ST8SIA4: variants seen among roughly 807,000 people sequenced by gnomAD.
The protein encoded by ST8SIA4 is CMP-N-acetylneuraminate-poly-alpha-2,8-sialyltransferase.
Under a neutral mutation model 33.9 loss-of-function variants are expected in ST8SIA4, and 15 were observed. The observed-to-expected ratio is 0.44, with a 90% confidence interval of 0.30 to 0.68. The LOEUF (loss-of-function observed/expected upper bound fraction) is 0.68, where lower values mean the gene tolerates loss of function less well. Among genes scored for constraint, ST8SIA4 ranks in the 30% least tolerant of loss-of-function variants. The probability of loss-of-function intolerance (pLI) is 0.10; values close to 1 mark genes in which losing one functional copy is unlikely to be tolerated. For synonymous variants in ST8SIA4, 171 were observed against 151.2 expected (o/e 1.13, Z -0.96); for missense variants, 321 against 428.0 (o/e 0.75, Z 2.21).
chr5:100,860,509 G>A (rs1449035816), intron 3 of ST8SIA4, among the ~76,000 whole-genome samples: 1 of 152,194 alleles, frequency 6.6e-6, no homozygotes, highest in Non-Finnish European at 1.5e-5. Flanking sequence ...TCTGTGGAAA[G>A]TTGGCACATG....
chr5:100,830,636 T>C (rs1751238214), intron 4 of ST8SIA4, among the ~76,000 whole-genome samples: 1 of 152,206 alleles, frequency 6.6e-6, no homozygotes, highest in Admixed American at 6.5e-5. Flanking sequence ...TGGATGGTAA[T>C]ATATTGTAAT....
chr5:100,856,258 T>C lies in ST8SIA4; in HGVS notation c.642A>G (p.Arg214=). 1 of 1,614,116 alleles carries C rather than the reference T, an allele frequency of 6.2e-7. No individual in the cohort carries two copies. The highest frequency in any genetic ancestry group is 8.5e-7 in the Non-Finnish European group (1 of 1,179,986). The change falls in exon 4 of 5, where the codon AGA becomes AGG. Residue 214 remains arginine (R), a synonymous_variant. Transcript: ENST00000231461. The part of the protein sequence containing the change: ...NESDREKFVH[R]LSMLNDSVLW... ...GGACACTGTCATTCAGCATGGAAAG[T>C]CTATGCACAAATTTTTCTCTGTCAC... is the stretch of plus-strand genomic sequence containing the variant.
At position 100,824,731 on chromosome 5, in the gene ST8SIA4, T is replaced by A. The variant is rs567858278; in HGVS notation, c.798-12602A>T. Among the ~76,000 whole-genome samples, 5 of 151,982 alleles carry A rather than the reference T, an allele frequency of 3.3e-5. No homozygotes were observed. The South Asian group carries it at 1.0e-3, about 32-fold the overall frequency. On this transcript the variant is annotated intron_variant, in intron 4 of 4. Coordinates refer to ENST00000231461, the MANE Select transcript of ST8SIA4 (RefSeq NM_005668.6). ...CAAATAAGAAAATACACCTAATGAG[T>A]TCCTCCAATGGCTGCCTACACAAAA... is the stretch of plus-strand genomic sequence containing the variant.
intron 3 of ST8SIA4, among the ~76,000 whole-genome samples, chr5:100,862,932 G>C (rs1487969288): frequency 6.6e-6 from 1 of 152,186 alleles, no homozygotes; most frequent in East Asian, 1.9e-4. Flanking sequence ...CCTAAGAATG[G>C]AAAGGAAGCA....
At chr5:100,831,341 G>A (rs1224104947) in intron 4 of ST8SIA4, among the ~76,000 whole-genome samples, 1 of 152,026 alleles carries the variant, frequency 6.6e-6, no homozygotes, top group Non-Finnish European at 1.5e-5. Context: ...ACCACAAAAG[G>A]ACTGTATAAA....
intron 4 of ST8SIA4, among the ~76,000 whole-genome samples, chr5:100,817,963 A>G (rs1236247452): frequency 1.3e-5 from 2 of 152,194 alleles, no homozygotes; most frequent in Admixed American, 6.6e-5. Flanking sequence ...TTGAGAGTAT[A>G]TAATGGGCCA....
At chr5:100,863,583 A>G (rs1161818621) in intron 3 of ST8SIA4, among the ~76,000 whole-genome samples, 1 of 152,214 alleles carries the variant, frequency 6.6e-6, no homozygotes, top group Non-Finnish European at 1.5e-5. Flanking sequence ...GATTTATATC[A>G]TATAAGAAAT....
At chr5:100,847,153 A>G (rs1751588152) in intron 4 of ST8SIA4, among the ~76,000 whole-genome samples, 1 of 152,150 alleles carries the variant, frequency 6.6e-6, no homozygotes, top group South Asian at 2.1e-4. Context: ...TGTGTTGCTC[A>G]TAGGTCAAAA....
intron 1 of ST8SIA4, among the ~76,000 whole-genome samples, chr5:100,899,219 TAAAGAACTTGCATG>T (rs1752844408): frequency 6.6e-6 from 1 of 152,218 alleles, no homozygotes; most frequent in Admixed American, 6.5e-5. Context: ...AAAATTTAAA[TAAAGAACTTGCATG>T]AAACTAAGCC....
chr5:100,889,287 C>T (rs539621138), intron 2 of ST8SIA4, among the ~76,000 whole-genome samples: 5 of 151,770 alleles, frequency 3.3e-5, no homozygotes, highest in Non-Finnish European at 7.4e-5. Flanking sequence ...CCTGTGAAAA[C>T]GACAAGGCTG....
intron 3 of ST8SIA4, among the ~76,000 whole-genome samples, chr5:100,861,365 CAT>C (rs1751937219): frequency 6.6e-6 from 1 of 152,142 alleles, no homozygotes; most frequent in Non-Finnish European, 1.5e-5. Flanking sequence ...AGAACAGTGT[CAT>C]AATTTCTAGA....
At chr5:100,860,585 T>A (rs1231747295) in intron 3 of ST8SIA4, among the ~76,000 whole-genome samples, 1 of 152,198 alleles carries the variant, frequency 6.6e-6, no homozygotes, top group Non-Finnish European at 1.5e-5. Context: ...CCTGAAACCA[T>A]TCATTTTGCT....
At chr5:100,857,523 A>G (rs1282800556) in intron 3 of ST8SIA4, among the ~76,000 whole-genome samples, 1 of 151,996 alleles carries the variant, frequency 6.6e-6, no homozygotes, top group Non-Finnish European at 1.5e-5. Context: ...ACCCTTCATG[A>G]AAATATGAAA....
At chr5:100,894,199 C>A (rs1321329439) in intron 2 of ST8SIA4, among the ~76,000 whole-genome samples, 1 of 152,020 alleles carries the variant, frequency 6.6e-6, no homozygotes, top group Non-Finnish European at 1.5e-5. Flanking sequence ...ACCAGCTAAA[C>A]CTTAGGAAGA....
intron 4 of ST8SIA4, among the ~76,000 whole-genome samples, chr5:100,833,214 C>T (rs777491444): frequency 1.3e-5 from 2 of 152,070 alleles, no homozygotes; most frequent in Non-Finnish European, 2.9e-5. Context: ...ATCCCTGGTA[C>T]CTAGCACAGA....
intron 4 of ST8SIA4, among the ~76,000 whole-genome samples, chr5:100,818,566 G>C (rs1470678720): frequency 6.6e-6 from 1 of 152,070 alleles, no homozygotes; most frequent in Non-Finnish European, 1.5e-5. Flanking sequence ...TGCCTCTGAA[G>C]GTATTTTGAA....
chr5:100,877,899 A>G (rs1752340420), intron 3 of ST8SIA4, among the ~76,000 whole-genome samples: 1 of 152,146 alleles, frequency 6.6e-6, no homozygotes, highest in Non-Finnish European at 1.5e-5. Flanking sequence ...ATGGGTTGGC[A>G]TTGGATTCTG....
chr5:100,834,875 C>T lies in ST8SIA4; in HGVS notation c.797+21228G>A, dbSNP rs148531315. ...TGCTGGTGCCATGATTCTTATACAG[C>T]CTGCAGAACCATGAACCAATTAAAT... is the stretch of plus-strand genomic sequence containing the variant. On this transcript the variant is annotated intron_variant, in intron 4 of 4. Coordinates refer to ENST00000231461, the MANE Select transcript of ST8SIA4 (RefSeq NM_005668.6). Among the ~76,000 whole-genome samples, 1,253 of 152,216 alleles carry T rather than the reference C, an allele frequency of 8.2e-3. 14 individuals are homozygous for T. Among genetic ancestry groups the T allele is most frequent in the Non-Finnish European group, 9.7e-3 (660 of 68,010 alleles).
chr5:100,903,015 G>A lies in ST8SIA4; in HGVS notation c.-60C>T. The A allele has an allele frequency of 8.0e-7, 1 of 1,253,350 alleles. No individual in the cohort carries two copies. The highest frequency in any genetic ancestry group is 1.2e-6 in the Non-Finnish European group (1 of 854,374). 77.6% of individuals were successfully genotyped at this position (1,253,350 alleles called of 1,614,324 possible). A position where few individuals can be genotyped will look rare whatever the true frequency, so the allele number is the denominator to read the frequency against. ...TCCCGCACCTTCTCTTGATATAAAG[G>A]CTCCGTTTTGGGGAGATAGTCGCGG... is the stretch of plus-strand genomic sequence containing the variant. On this transcript the variant is annotated 5_prime_UTR_variant, in exon 1 of 5. Coordinates refer to ENST00000231461, the MANE Select transcript of ST8SIA4 (RefSeq NM_005668.6).
Sources: gnomAD v4.1 joint callset for allele counts (sites outside exome capture counted in the v4.1 genomes callset) on GRCh38, gnomAD v4.1.1 for gene constraint, MANE v1.5 for transcripts, NCBI Gene and HGNC (gene_info 2026-07-23, HGNC 2026-07-21) for gene names.